Variants in ROBO1 observed in about 807,000 individuals in gnomAD.
ROBO1 encodes the protein roundabout guidance receptor 1, also known as roundabout homolog 1.
Under a neutral mutation model 195.9 loss-of-function variants are expected in ROBO1, and 149 were observed. That is an observed-to-expected ratio of 0.76 (90% confidence interval 0.67 to 0.87). ROBO1 has a LOEUF of 0.87. Ranked by LOEUF, ROBO1 falls within the 40% of genes least tolerant of loss-of-function variation. The probability of loss-of-function intolerance (pLI) is 0.00; values close to 1 mark genes in which losing one functional copy is unlikely to be tolerated. For synonymous variants in ROBO1, 816 were observed against 733.2 expected (o/e 1.11, Z -1.82); for missense variants, 1,933 against 2,068.3 (o/e 0.93, Z 1.27).
At chr3:79,709,928 A>C (rs1702208388) in intron 1 of ROBO1, among the ~76,000 whole-genome samples, 1 of 152,180 alleles carries the variant, frequency 6.6e-6, no homozygotes, top group Non-Finnish European at 1.5e-5. Flanking sequence ...CACCAGGCAC[A>C]GAATCATCTG....
chr3:79,602,701 G>T (rs1944372993), intron 1 of ROBO1, among the ~76,000 whole-genome samples: 1 of 151,878 alleles, frequency 6.6e-6, no homozygotes, highest in East Asian at 1.9e-4. Context: ...TTATGAGGGA[G>T]AATTTATTAT....
chr3:79,187,598 T>C (rs1462752336), intron 2 of ROBO1, among the ~76,000 whole-genome samples: 1 of 152,084 alleles, frequency 6.6e-6, no homozygotes, highest in Non-Finnish European at 1.5e-5. Flanking sequence ...CAGAACTCTT[T>C]TGAACGAAAG....
chr3:79,165,243 G>T (rs1050764723), intron 2 of ROBO1, among the ~76,000 whole-genome samples: 1 of 152,168 alleles, frequency 6.6e-6, no homozygotes, highest in Non-Finnish European at 1.5e-5. Flanking sequence ...AGCATGTTTT[G>T]ATCAGAAGAC....
chr3:78,892,590 T>G (rs2036970566), intron 4 of ROBO1, among the ~76,000 whole-genome samples: 1 of 151,568 alleles, frequency 6.6e-6, no homozygotes, highest in African/African-American at 2.4e-5. Flanking sequence ...GAAGTGTTTA[T>G]CATCATCATC....
chr3:79,338,732 T>C (rs770726804), intron 2 of ROBO1, among the ~76,000 whole-genome samples: 10 of 152,186 alleles, frequency 6.6e-5, no homozygotes, highest in Non-Finnish European at 1.0e-4. Flanking sequence ...GGATCTTTTT[T>C]CTATCTCTAT....
chr3:79,601,907 A>T (rs1944350225), intron 1 of ROBO1, among the ~76,000 whole-genome samples: 1 of 151,936 alleles, frequency 6.6e-6, no homozygotes, highest in Non-Finnish European at 1.5e-5. Context: ...AATGGATGTG[A>T]CATTGAAATT....
At chr3:79,582,718 C>G (rs1943698969) in intron 2 of ROBO1, among the ~76,000 whole-genome samples, 1 of 151,966 alleles carries the variant, frequency 6.6e-6, no homozygotes, top group Admixed American at 6.6e-5. Flanking sequence ...GCTGCCCAGC[C>G]AAGTACATAT....
chr3:78,737,582 C>G (rs1466155490), intron 5 of ROBO1, among the ~76,000 whole-genome samples: 1 of 152,124 alleles, frequency 6.6e-6, no homozygotes, highest in Non-Finnish European at 1.5e-5. Flanking sequence ...GATCAAATGT[C>G]TTCCATAAGA....
intron 3 of ROBO1, among the ~76,000 whole-genome samples, chr3:78,972,163 C>G (rs1355745016): frequency 2.0e-5 from 3 of 152,214 alleles, no homozygotes; most frequent in Non-Finnish European, 4.4e-5. Context: ...TTAATTCTCA[C>G]ACAGATGACT....
intron 21 of ROBO1, 24 bp downstream of exon 21, chr3:78,646,124 C>T: frequency 1.3e-6 from 2 of 1,596,960 alleles, no homozygotes; most frequent in South Asian, 1.1e-5. Flanking sequence ...CCTGTAGGAT[C>T]TACAAAACAA....
chr3:79,116,336 CCTTT>C (rs1400515447), intron 3 of ROBO1, among the ~76,000 whole-genome samples: 44 of 141,000 alleles, frequency 3.1e-4, no homozygotes, highest in African/African-American at 7.4e-4. Flanking sequence ...CTTTTCTTTT[CCTTT>C]CTTTCTTTTT....
At chr3:79,606,599 T>A (rs1230309237) in intron 1 of ROBO1, among the ~76,000 whole-genome samples, 1 of 151,880 alleles carries the variant, frequency 6.6e-6, no homozygotes, top group Non-Finnish European at 1.5e-5. Flanking sequence ...ACTTAACCTG[T>A]TATTCTATCC....
intron 2 of ROBO1, among the ~76,000 whole-genome samples, chr3:79,425,387 C>T (rs1338851643): frequency 6.6e-6 from 1 of 152,048 alleles, no homozygotes; most frequent in East Asian, 1.9e-4. Context: ...AATGCTTAGA[C>T]CTCTCTGATC....
chr3:78,964,070 G>A (rs2041546050), intron 3 of ROBO1, among the ~76,000 whole-genome samples: 1 of 152,064 alleles, frequency 6.6e-6, no homozygotes, highest in Non-Finnish European at 1.5e-5. Flanking sequence ...GCTTCTAGTG[G>A]TTTCCTGGCA....
chr3:78,965,177 T>C (rs1445152814), intron 3 of ROBO1, among the ~76,000 whole-genome samples: 9 of 152,040 alleles, frequency 5.9e-5, no homozygotes, highest in South Asian at 2.1e-4. Context: ...AATTATAATA[T>C]ATACTATATA....
chr3:79,174,298 A>C (rs75849047), intron 2 of ROBO1, among the ~76,000 whole-genome samples: 1 of 152,110 alleles, frequency 6.6e-6, no homozygotes, highest in East Asian at 1.9e-4. Context: ...ACGAAGGAAC[A>C]ACTCCAGACG....
chr3:79,250,154 C>T (rs1370661936), intron 2 of ROBO1, among the ~76,000 whole-genome samples: 1 of 152,102 alleles, frequency 6.6e-6, no homozygotes, highest in Non-Finnish European at 1.5e-5. Context: ...ACAGAAATGT[C>T]AATCTCATAT....
intron 1 of ROBO1, among the ~76,000 whole-genome samples, chr3:79,698,657 T>C (rs1274433216): frequency 6.6e-6 from 1 of 151,626 alleles, no homozygotes; most frequent in Non-Finnish European, 1.5e-5. Context: ...GTAGCTAAAC[T>C]ACCATTAAGA....
intron 3 of ROBO1, among the ~76,000 whole-genome samples, chr3:78,961,151 A>T: frequency 6.6e-6 from 1 of 152,292 alleles, no homozygotes; most frequent in South Asian, 2.1e-4. Flanking sequence ...TACTTCTGCA[A>T]CCTTTGAACT....
Sources: gnomAD v4.1 joint callset for allele counts (sites outside exome capture counted in the v4.1 genomes callset) on GRCh38, gnomAD v4.1.1 for gene constraint, MANE v1.5 for transcripts, NCBI Gene and HGNC (gene_info 2026-07-23, HGNC 2026-07-21) for gene names.